The following SNRNP200 variants were observed in gnomAD, a reference collection of about 807,000 sequenced individuals.
SNRNP200 encodes the protein U5 small nuclear ribonucleoprotein 200 kDa helicase.
Under a neutral mutation model 255.2 loss-of-function variants are expected in SNRNP200, and 66 were observed. That is an observed-to-expected ratio of 0.26 (90% CI 0.21 to 0.32). SNRNP200 has a LOEUF of 0.32. SNRNP200 is among the 10% of genes least tolerant of loss of function. The pLI is 1.00. For missense variants in SNRNP200, 1,585 were observed against 2,749.8 expected (o/e 0.58, Z 9.47); for synonymous variants, 939 against 1,027.8 (o/e 0.91, Z 1.65).
intron 2 of SNRNP200, among the ~76,000 whole-genome samples, chr2:96,303,924 A>G (rs1047361281): frequency 3.3e-5 from 5 of 151,478 alleles, no homozygotes; most frequent in Non-Finnish European, 5.9e-5. Context: ...CCCTTCATAC[A>G]TTGTATGAGA....
At position 96,287,317 on chromosome 2, in the gene SNRNP200, C is replaced by T. The variant is rs1350304259; in HGVS notation, c.3484+122G>A. Reference sequence around the variant, plus strand: ...CCAGACCAAGGGCCAGCCTGTACTTCAGTGGGACTTGGGGAGTGAACACAG... The same window carrying T: ...CCAGACCAAGGGCCAGCCTGTACTTTAGTGGGACTTGGGGAGTGAACACAG... On this transcript the variant is annotated intron_variant, in intron 26 of 44. Transcript: ENST00000323853. The surrounding 1 kb of genome is among the most constrained non-coding windows in gnomAD (Gnocchi z 5.7). 17 of 1,182,536 alleles carry T rather than the reference C, an allele frequency of 1.4e-5. No individual in the cohort carries two copies. Among genetic ancestry groups the T allele is most frequent in the Non-Finnish European group, 2.0e-5 (16 of 787,076 alleles). 73.3% of individuals were successfully genotyped at this position (1,182,536 alleles called of 1,614,324 possible).
Position 96,283,098 on chromosome 2 carries a change from C to G in SNRNP200, c.4915+103G>C. ...GAGTCCTAAACAGTATTTTGAAAAT[C>G]TCTGGTATGCTGTAGAGAAAACACT... On this transcript the variant is annotated intron_variant, in intron 34 of 44. Transcript: ENST00000323853. The surrounding 1 kb of genome is among the most constrained non-coding windows in gnomAD (Gnocchi z 4.7). 7.0e-7 allele frequency: 1 copy of G among 1,434,220 alleles called. No homozygotes were observed. The allele number at this position is 1,434,220 out of a possible 1,614,324, so 88.8% of individuals were successfully genotyped here.
intron 35 of SNRNP200, 81 bp from the exon 36 acceptor site, chr2:96,279,640 G>GT: frequency 2.4e-6 from 2 of 846,458 alleles, no homozygotes; most frequent in Non-Finnish European, 4.0e-6. Context: ...CCTTCGCCAA[G>GT]TAAGAGTAAA....
At chr2:96,275,903 G>A (rs181235704) in intron 43 of SNRNP200, among the ~76,000 whole-genome samples, 49 of 152,386 alleles carry the variant, frequency 3.2e-4, no homozygotes, top group African/African-American at 9.1e-4. Flanking sequence ...CTACTCGGGA[G>A]GCTGAGGCAG....
At chr2:96,299,063 G>A (rs2063936941) in intron 6 of SNRNP200, 96 bp from the exon 7 acceptor site, 1 of 1,507,706 alleles carries the variant, frequency 6.6e-7, no homozygotes, top group Non-Finnish European at 9.1e-7. Flanking sequence ...ACAATCCATA[G>A]CCCACCTTCT....
chr2:96,305,323 C>T (rs1232868546), intron 1 of SNRNP200, 70 bp downstream of exon 1: 3 of 1,592,642 alleles, frequency 1.9e-6, no homozygotes, highest in Non-Finnish European at 2.6e-6. Context: ...CAGACTGAAA[C>T]TCCCTTTTTC....
Position 96,289,984 on chromosome 2 carries a change from A to C in SNRNP200, c.2755T>G (p.Trp919Gly), listed in dbSNP as rs1349533903. The change falls in exon 21 of 45, where the codon TGG becomes GGG. Residue 919 changes from tryptophan to glycine, a missense_variant. Trp to Gly is a radical substitution (Grantham distance 184). Around this residue, in one of 9 missense-constraint regions of SNRNP200, gnomAD observed 719 missense variants for 1,091.1 expected, o/e 0.66. Coordinates refer to ENST00000323853, the MANE Select transcript of SNRNP200 (RefSeq NM_014014.5). ...ATATAGAGGTAGGCATAGCCCAGCC[A>C]GTTCACCGCATCCTACAAGACACAG... ...NVQNAKDAVN[W>G]LGYAYLYIRM... 1 of 1,614,086 alleles carries C rather than the reference A, an allele frequency of 6.2e-7. No homozygotes were observed. The highest frequency in any genetic ancestry group is 1.3e-5 in the African/African-American group (1 of 74,928).
chr2:96,279,647 T>C, intron 35 of SNRNP200, 88 bp from the exon 36 acceptor site: 1 of 790,894 alleles, frequency 1.3e-6, no homozygotes, highest in Non-Finnish European at 2.2e-6. Flanking sequence ...CAAGTAAGAG[T>C]AAAATGTTAA....
rs1684684814 is a variant in SNRNP200, at chr2:96,277,311, A to G, written c.5932-70T>C. 3 of 1,550,744 alleles carry G rather than the reference A, an allele frequency of 1.9e-6. No individual in the cohort carries two copies. Among genetic ancestry groups the G allele is most frequent in the Admixed American group, 1.7e-5 (1 of 59,858 alleles). On this transcript the variant is annotated intron_variant, in intron 41 of 44. Transcript: ENST00000323853. The surrounding 1 kb of genome is among the most constrained non-coding windows in gnomAD (Gnocchi z 4.4). ...ACAGCAAATGACACAGGCAGCAAAG[A>G]GCTACTAATTTTACCTCCTACACTA...
At position 96,296,916 on chromosome 2, in the gene SNRNP200, G is replaced by T; in HGVS notation, c.1515+17C>A. 6.2e-7 allele frequency: 1 copy of T among 1,614,142 alleles called. No individual in the cohort carries two copies. Among genetic ancestry groups the T allele is most frequent in the Non-Finnish European group, 8.5e-7 (1 of 1,180,022 alleles). On this transcript the variant is annotated intron_variant, in intron 12 of 44. Transcript: ENST00000323853. ...CACCATATTCTACAAGAAAACAGCA[G>T]GCAGGGTGGCGCTTACAGTAGGAGC... is the stretch of plus-strand genomic sequence containing the variant.
chr2:96,286,522 C>T lies in SNRNP200; in HGVS notation c.3830-38G>A. 6.2e-7 allele frequency: 1 copy of T among 1,611,002 alleles called. No individual in the cohort carries two copies. Among genetic ancestry groups the T allele is most frequent in the Admixed American group, 1.7e-5 (1 of 60,010 alleles). ...AAACAGGAAGGATATAAGCACTGCT[C>T]TCTTTCCCTCACTGGCCTCTAGATC... On this transcript the variant is annotated intron_variant, in intron 28 of 44. Transcript: ENST00000323853. This position sits in a 1 kb window ranked among gnomAD's most constrained non-coding sequence, Gnocchi z 4.8.
intron 14 of SNRNP200, among the ~76,000 whole-genome samples, chr2:96,295,034 C>G (rs1285344548): frequency 6.6e-6 from 1 of 152,078 alleles, no homozygotes; most frequent in Non-Finnish European, 1.5e-5. Context: ...CACAGTGAAA[C>G]CCAGTCTCTA....
rs2063952056 is a variant in SNRNP200, at chr2:96,301,498, G to A, written c.574+26C>T. The A allele has an allele frequency of 1.9e-6, 3 of 1,610,478 alleles. No homozygotes were observed. The African/African-American group carries it at 4.0e-5, about 22-fold the overall frequency. ...GGGGTCAACAACAACCAATGAACAT[G>A]ATCAGAACATAAAGCGCGCACTTAC... On this transcript the variant is annotated intron_variant, in intron 4 of 44. Coordinates refer to ENST00000323853, the MANE Select transcript of SNRNP200 (RefSeq NM_014014.5).
intron 15 of SNRNP200, 63 bp downstream of exon 15, chr2:96,293,253 G>A: frequency 6.3e-7 from 1 of 1,583,564 alleles, no homozygotes; most frequent in African/African-American, 1.3e-5. Context: ...AGCACTCCTT[G>A]GAAAAGAGGA....
At chr2:96,304,654 G>C (rs1046661461) in intron 2 of SNRNP200, 51 bp downstream of exon 2, 2 of 1,610,604 alleles carry the variant, frequency 1.2e-6, no homozygotes, top group African/African-American at 1.3e-5. Context: ...GAATGTTAAA[G>C]GGAAGAGACT....
chr2:96,282,512 G>A (rs142367616), intron 34 of SNRNP200: 243 of 177,676 alleles, frequency 1.4e-3, no homozygotes, highest in African/African-American at 5.1e-3. Flanking sequence ...GTTTGGATCT[G>A]TGTCTCCACC....
intron 2 of SNRNP200, among the ~76,000 whole-genome samples, chr2:96,303,995 C>G (rs1392289137): frequency 6.6e-6 from 1 of 151,716 alleles, no homozygotes; most frequent in South Asian, 2.1e-4. Context: ...CCCTTTCTAG[C>G]TAGAGAACCA....
Position 96,285,010 on chromosome 2 carries a change from A to G in SNRNP200, c.4164+170T>C, listed in dbSNP as rs769927056. On this transcript the variant is annotated intron_variant, in intron 30 of 44. Transcript: ENST00000323853. ...GGAGATCTGCCCGCCTCGGCCTCCC[A>G]AAGTGCTGGGATTACAGGCGTGAGC... is the stretch of plus-strand genomic sequence containing the variant. 30 of 790,364 alleles carry G rather than the reference A, an allele frequency of 3.8e-5. No individual in the cohort carries two copies. In the East Asian group the frequency reaches 7.9e-4, roughly 21 times the overall value. 49.0% of individuals were successfully genotyped at this position (790,364 alleles called of 1,614,324 possible).
At position 96,297,067 on chromosome 2, in the gene SNRNP200, G is replaced by C. The variant is rs1394229257; in HGVS notation, c.1381C>G (p.Leu461Val). The C allele has an allele frequency of 6.2e-7, 1 of 1,614,090 alleles. No individual in the cohort carries two copies. Among genetic ancestry groups the C allele is most frequent in the East Asian group, 2.2e-5 (1 of 44,890 alleles). ...TTTGGCAGCTTTTCCACTGGAAGCA[G>C]TTGCTAGAAGAAAAGAAGTGCCATC... is the stretch of plus-strand genomic sequence containing the variant. ...KPKPFGSEEQ[L>V]LPVEKLPKYA... is the part of the protein sequence containing the mutation. Residue 461 changes from leucine to valine, a missense_variant, in exon 12 of 45, where the codon CTG (leucine) becomes GTG (valine). Transcript: ENST00000323853.
Sources: gnomAD v4.1 joint callset for allele counts (sites outside exome capture counted in the v4.1 genomes callset) on GRCh38, gnomAD v4.1.1 for gene constraint, gnomAD v4.1.1 regional missense constraint, Gnocchi (gnomAD v3.1) non-coding constraint, MANE v1.5 for transcripts, NCBI Gene and HGNC (gene_info 2026-07-23, HGNC 2026-07-21) for gene names.